SSH2: variants seen among roughly 807,000 people sequenced by gnomAD.
The protein encoded by SSH2 is protein phosphatase Slingshot homolog 2.
SSH2 carries 37 observed loss-of-function variants against 135.2 expected under a neutral mutation model. The ratio of observed to expected loss-of-function variants is 0.27; its 90% confidence interval spans 0.21 to 0.36. The LOEUF (loss-of-function observed/expected upper bound fraction) is 0.36. Among genes scored for constraint, SSH2 ranks in the 10% least tolerant of loss-of-function variants. SSH2 has a pLI of 1.00. For synonymous variants in SSH2, 628 were observed against 646.2 expected, an observed-to-expected ratio of 0.97 and a Z score of 0.43; for missense variants, 1,408 against 1,765.3, an observed-to-expected ratio of 0.80 and a Z score of 3.63.
rs200774360 is a variant in SSH2 at position 29,636,217 on chromosome 17, A to C, written c.2013T>G (p.Asp671Glu). 4.3e-5 allele frequency: 70 copies of C among 1,614,118 alleles called. No individual in the cohort carries two copies. In the Middle Eastern group the frequency reaches 9.9e-4, roughly 23 times the overall value. Residue 671 changes from aspartate to glutamate, a missense_variant, in exon 15 of 16, where the codon GAT (aspartate) becomes GAG (glutamate). Physicochemically the swap from Asp to Glu is conservative, Grantham distance 45 (BLOSUM62 2). Coordinates refer to ENST00000540801, the MANE Select transcript of SSH2 (RefSeq NM_001282129.2). ...PQPSCQTEIS[D>E]FSTDRIDFFS... ...AAAAGTCAATGCGATCTGTACTGAA[A>C]TCTGAGATTTCAGTCTGGCAACTGG... is the stretch of plus-strand genomic sequence containing the variant.
At chr17:29,770,741 G>A (rs1335709361) in intron 3 of SSH2, among the ~76,000 whole-genome samples, 1 of 152,158 alleles carries the variant, frequency 6.6e-6, no homozygotes, top group Non-Finnish European at 1.5e-5. Flanking sequence ...CTAAAGTGCT[G>A]GGATGACAGG....
chr17:29,816,908 A>G (rs1323012747), intron 2 of SSH2, among the ~76,000 whole-genome samples: 1 of 152,208 alleles, frequency 6.6e-6, no homozygotes, highest in African/African-American at 2.4e-5. Context: ...AATAAATGAC[A>G]GAAGAAAAAA....
chr17:29,702,151 G>A (rs1031581319), intron 4 of SSH2, among the ~76,000 whole-genome samples: 1 of 151,852 alleles, frequency 6.6e-6, no homozygotes, highest in South Asian at 2.1e-4. Flanking sequence ...CCAGGAGTTC[G>A]ACACCAGCCT....
intron 3 of SSH2, among the ~76,000 whole-genome samples, chr17:29,725,812 C>G (rs1001278529): frequency 2.0e-5 from 3 of 152,058 alleles, no homozygotes; most frequent in Non-Finnish European, 1.5e-5. Context: ...GGGCTTAAAA[C>G]CTAGATGATG....
intron 2 of SSH2, among the ~76,000 whole-genome samples, chr17:29,846,661 G>C (rs1159744628): frequency 6.6e-6 from 1 of 152,232 alleles, no homozygotes; most frequent in Non-Finnish European, 1.5e-5. Context: ...AAATGCAGTT[G>C]TGTAAATAAA....
At chr17:29,902,819 T>C (rs1373449216) in intron 1 of SSH2, among the ~76,000 whole-genome samples, 1 of 152,166 alleles carries the variant, frequency 6.6e-6, no homozygotes, top group Non-Finnish European at 1.5e-5. Flanking sequence ...ACCAATTCTG[T>C]ATTAATTTTC....
intron 2 of SSH2, among the ~76,000 whole-genome samples, chr17:29,830,403 A>G (rs999843209): frequency 7.9e-5 from 12 of 152,154 alleles, no homozygotes. Context: ...TCCCTTGACC[A>G]TGAACCTTAA....
intron 3 of SSH2, among the ~76,000 whole-genome samples, chr17:29,781,494 T>G (rs1205710968): frequency 6.8e-6 from 1 of 146,608 alleles, no homozygotes; most frequent in African/African-American, 2.5e-5. Flanking sequence ...TTTTTTTTTT[T>G]TTTGAGATGG....
intron 14 of SSH2, among the ~76,000 whole-genome samples, chr17:29,641,955 T>TAAAA (rs1478797900): frequency 1.1e-4 from 10 of 88,898 alleles, no homozygotes; most frequent in African/African-American, 4.1e-4. Flanking sequence ...TTTTTTTTTT[T>TAAAA]AAAAAAAGAG....
chr17:29,876,197 G>GA (rs78321127), intron 1 of SSH2, among the ~76,000 whole-genome samples: 1,590 of 112,628 alleles, frequency 0.014, 17 homozygotes, highest in African/African-American at 0.046. Context: ...AAGGTAAAAA[G>GA]AAAAAAAAAA....
intron 3 of SSH2, among the ~76,000 whole-genome samples, chr17:29,744,824 G>A (rs2040698374): frequency 6.6e-6 from 1 of 151,646 alleles, no homozygotes; most frequent in Admixed American, 6.6e-5. Flanking sequence ...AGCACCTGGA[G>A]GAAGAAGAGA....
At chr17:29,879,390 T>A (rs1484059066) in intron 1 of SSH2, among the ~76,000 whole-genome samples, 3 of 143,708 alleles carry the variant, frequency 2.1e-5, no homozygotes, top group Non-Finnish European at 4.6e-5. Context: ...TTTTTTTTTT[T>A]AATAAACTTT....
chr17:29,739,335 C>CT (rs2040098559), intron 3 of SSH2, among the ~76,000 whole-genome samples: 1 of 152,158 alleles, frequency 6.6e-6, no homozygotes, highest in Non-Finnish European at 1.5e-5. Context: ...GTGTAATGCT[C>CT]TGCTGTCTTG....
chr17:29,815,291 CTT>C (rs965868123), intron 2 of SSH2, among the ~76,000 whole-genome samples: 1 of 151,738 alleles, frequency 6.6e-6, no homozygotes, highest in Non-Finnish European at 1.5e-5. Context: ...ACCCAGCTAA[CTT>C]TTGTATTTTT....
At chr17:29,796,957 T>C (rs572153379) in intron 2 of SSH2, among the ~76,000 whole-genome samples, 1 of 151,898 alleles carries the variant, frequency 6.6e-6, no homozygotes, top group South Asian at 2.1e-4. Flanking sequence ...GGACTACAGA[T>C]GCACACTGCC....
At chr17:29,644,311 G>C (rs1050645886) in intron 14 of SSH2, among the ~76,000 whole-genome samples, 3 of 152,130 alleles carry the variant, frequency 2.0e-5, no homozygotes, top group Non-Finnish European at 4.4e-5. Context: ...CCTCAGCACG[G>C]GGCTACCTCA....
chr17:29,635,675 T>C (rs2035886109), intron 15 of SSH2, among the ~76,000 whole-genome samples: 2 of 152,212 alleles, frequency 1.3e-5, no homozygotes, highest in South Asian at 2.1e-4. Flanking sequence ...CCCAAAGTGC[T>C]GGGATTACAG....
chr17:29,868,692 C>T (rs1008961791), intron 1 of SSH2, among the ~76,000 whole-genome samples: 2 of 149,346 alleles, frequency 1.3e-5, no homozygotes, highest in African/African-American at 5.0e-5. Context: ...GAGCTGAGAT[C>T]GTGCCACTGC....
chr17:29,633,655 T>C (rs1280221300), intron 15 of SSH2, among the ~76,000 whole-genome samples: 1 of 152,224 alleles, frequency 6.6e-6, no homozygotes. Flanking sequence ...TTAGAAACCA[T>C]AACTCTCTAA....
Sources: allele counts gnomAD v4.1 joint callset (sites outside exome capture counted in the v4.1 genomes callset), GRCh38; gene constraint gnomAD v4.1.1; transcripts MANE v1.5; gene names NCBI Gene and HGNC (gene_info 2026-07-23, HGNC 2026-07-21).